Variants in PSMD1 observed in about 807,000 individuals in gnomAD.
The protein encoded by PSMD1 is proteasome 26S subunit, non-ATPase 1, also known as 26S proteasome non-ATPase regulatory subunit 1.
Under a neutral mutation model 119.0 loss-of-function variants are expected in PSMD1, and 18 were observed. The observed-to-expected ratio is 0.15, with a 90% confidence interval of 0.10 to 0.22. PSMD1 has a LOEUF of 0.22. Among genes scored for constraint, PSMD1 ranks in the 10% least tolerant of loss-of-function variants. PSMD1 has a pLI of 1.00. For missense variants in PSMD1, 702 were observed against 1,158.5 expected (o/e 0.61, Z 5.72); for synonymous variants, 374 against 396.6 (o/e 0.94, Z 0.68).
chr2:231,106,584 C>T (rs1694980323), intron 16 of PSMD1, among the ~76,000 whole-genome samples: 1 of 152,000 alleles, frequency 6.6e-6, no homozygotes, highest in Admixed American at 6.6e-5. Context: ...CGCCACTGCA[C>T]TCCAGCCTGG....
At chr2:231,158,377 A>G (rs1696558920) in intron 19 of PSMD1, among the ~76,000 whole-genome samples, 1 of 152,184 alleles carries the variant, frequency 6.6e-6, no homozygotes, top group Admixed American at 6.5e-5. Context: ...AAGGGAAGGA[A>G]TGAAGTTGAA....
intron 18 of PSMD1, 64 bp from the exon 19 acceptor site, chr2:231,153,500 C>G (rs911661760): frequency 2.7e-6 from 3 of 1,118,826 alleles, no homozygotes; most frequent in African/African-American, 3.1e-5. Flanking sequence ...ATATTATTCC[C>G]TGTTCTAAAA....
Position 231,083,574 on chromosome 2 carries a change from A to T in PSMD1, c.1533A>T (p.Ala511=), listed in dbSNP as rs1486041821. ...LYQDDAVTGE[A]AGLALGLVML... The stretch of plus-strand genomic sequence containing the variant: ...TTACTCGTTACTTGCCAGGGGAAGC[A>T]GCTGGCCTGGCCCTAGGTTTGGTTA... The change falls in exon 14 of 25, where the codon GCA becomes GCT. Residue 511 remains alanine (A), a synonymous_variant. Transcript: ENST00000308696. 1 of 1,614,112 alleles carries T rather than the reference A, an allele frequency of 6.2e-7. No homozygotes were observed. The highest frequency in any genetic ancestry group is 8.5e-7 in the Non-Finnish European group (1 of 1,180,038).
intron 16 of PSMD1, among the ~76,000 whole-genome samples, chr2:231,105,812 A>T (rs1694961001): frequency 6.6e-6 from 1 of 151,770 alleles, no homozygotes; most frequent in African/African-American, 2.4e-5. Context: ...ACTAACACTA[A>T]CTTCATGATC....
At chr2:231,078,794 T>TTC in intron 10 of PSMD1, 47 bp downstream of exon 10, 4 of 970,146 alleles carry the variant, frequency 4.1e-6, no homozygotes, top group Non-Finnish European at 5.7e-6. Flanking sequence ...TCTTTTTCTT[T>TTC]TTTTTTTTTT....
intron 16 of PSMD1, among the ~76,000 whole-genome samples, chr2:231,120,457 AC>A (rs140790287): frequency 0.01 from 1,575 of 152,318 alleles, 13 homozygotes; most frequent in Non-Finnish European, 0.016. Flanking sequence ...ACAATAAAAA[AC>A]TACAACTGTA....
intron 16 of PSMD1, among the ~76,000 whole-genome samples, chr2:231,124,471 G>C (rs770066879): frequency 4.0e-5 from 6 of 151,630 alleles, no homozygotes; most frequent in Non-Finnish European, 8.8e-5. Context: ...GCCCAACAAG[G>C]GTCTAAATAA....
intron 9 of PSMD1, among the ~76,000 whole-genome samples, chr2:231,078,248 A>G (rs995152844): frequency 6.6e-6 from 1 of 152,200 alleles, no homozygotes; most frequent in Non-Finnish European, 1.5e-5. Context: ...AGCCTGGGCA[A>G]CCAAGCAACA....
At chr2:231,113,494 G>A (rs1292466187) in intron 16 of PSMD1, among the ~76,000 whole-genome samples, 1 of 152,202 alleles carries the variant, frequency 6.6e-6, no homozygotes, top group Non-Finnish European at 1.5e-5. Context: ...AATAAACACT[G>A]TGCAGATGGT....
chr2:231,170,486 C>A lies in PSMD1; in HGVS notation c.2716-80C>A. On this transcript the variant is annotated intron_variant, in intron 23 of 24. Transcript: ENST00000308696. This position sits in a 1 kb window ranked among gnomAD's most constrained non-coding sequence, Gnocchi z 4.1. ...AATCATTTAAGTAGTTTTAAAGTAC[C>A]ATTTAACAAGTATTTACTCTAGATT... The A allele has an allele frequency of 7.3e-7, 1 of 1,361,034 alleles. No individual in the cohort carries two copies. Among genetic ancestry groups the A allele is most frequent in the Non-Finnish European group, 9.8e-7 (1 of 1,017,152 alleles). The allele number at this position is 1,361,034 out of a possible 1,614,324, so 84.3% of individuals were successfully genotyped here. A position where few individuals can be genotyped will look rare whatever the true frequency, so the allele number is the denominator to read the frequency against.
chr2:231,124,200 T>C (rs1695657883), intron 16 of PSMD1: 1 of 178,966 alleles, frequency 5.6e-6, no homozygotes. Context: ...TTGAACTTCA[T>C]AGCCCTTCCC....
At chr2:231,124,817 A>G (rs535791219) in intron 16 of PSMD1, among the ~76,000 whole-genome samples, 1 of 152,296 alleles carries the variant, frequency 6.6e-6, no homozygotes, top group Admixed American at 6.5e-5. Context: ...AAATGTACAA[A>G]TCACGTTTTT....
chr2:231,151,416 A>G (rs971989515), intron 18 of PSMD1, among the ~76,000 whole-genome samples: 1 of 152,240 alleles, frequency 6.6e-6, no homozygotes, highest in African/African-American at 2.4e-5. Flanking sequence ...ACCAAGAATT[A>G]CAATAATGAA....
chr2:231,066,996 G>T lies in PSMD1; in HGVS notation c.395G>T (p.Gly132Val), dbSNP rs1224904092. 4 of 1,613,580 alleles carry T rather than the reference G, an allele frequency of 2.5e-6. No individual in the cohort carries two copies. Among genetic ancestry groups the T allele is most frequent in the Admixed American group, 1.7e-5 (1 of 59,918 alleles). The change falls in exon 5 of 25, where the codon GGC becomes GTC. Residue 132 changes from glycine (G) to valine (V), a missense_variant. This residue lies in a region of PSMD1 where 50 missense variants were observed against 41.8 expected (regional missense o/e 1.20). Coordinates refer to ENST00000308696, the MANE Select transcript of PSMD1 (RefSeq NM_002807.4). ...AAACCAATTGACCAGAGATTGGAAG[G>T]CATCGTAAATAAAATGTTCCAGCGA... is the stretch of plus-strand genomic sequence containing the variant. ...EKKPIDQRLE[G>V]IVNKMFQRCL...
chr2:231,056,881 C>A lies in PSMD1; in HGVS notation c.-145C>A, dbSNP rs1390470609. ...GGGCGGGCGGGGTCCTGGCGAGAAG[C>A]GAGCCGGCGGCCTGAGGAGGCGACT... On this transcript the variant is annotated 5_prime_UTR_variant, in exon 1 of 25. Coordinates refer to ENST00000308696, the MANE Select transcript of PSMD1 (RefSeq NM_002807.4). The A allele has an allele frequency of 8.6e-7, 1 of 1,161,338 alleles. No homozygotes were observed. Among genetic ancestry groups the A allele is most frequent in the Non-Finnish European group, 1.2e-6 (1 of 819,328 alleles). 71.9% of individuals were successfully genotyped at this position (1,161,338 alleles called of 1,614,324 possible).
At chr2:231,151,113 A>G (rs1429596928) in intron 18 of PSMD1, among the ~76,000 whole-genome samples, 1 of 152,110 alleles carries the variant, frequency 6.6e-6, no homozygotes, top group Non-Finnish European at 1.5e-5. Context: ...TTTTTGTGAG[A>G]TTGTTGTGAT....
chr2:231,160,903 C>G (rs1287580360), intron 19 of PSMD1, among the ~76,000 whole-genome samples: 1 of 152,148 alleles, frequency 6.6e-6, no homozygotes, highest in Non-Finnish European at 1.5e-5. Flanking sequence ...TTCCCTACTG[C>G]AGCACTTACA....
At chr2:231,083,121 G>A in intron 13 of PSMD1, 127 bp downstream of exon 13, 1 of 757,042 alleles carries the variant, frequency 1.3e-6, no homozygotes, top group South Asian at 2.0e-5. Flanking sequence ...AAGAGGAAGT[G>A]AATTTTGCTC....
At chr2:231,062,430 G>T in intron 3 of PSMD1, 76 bp from the exon 4 acceptor site, 3 of 1,548,058 alleles carry the variant, frequency 1.9e-6, no homozygotes, top group Non-Finnish European at 2.6e-6. Context: ...CTGAATTGTG[G>T]CTTGAATATT....
Sources: allele counts gnomAD v4.1 joint callset (sites outside exome capture counted in the v4.1 genomes callset), GRCh38; gene constraint gnomAD v4.1.1; regional missense constraint gnomAD v4.1.1; non-coding constraint Gnocchi (gnomAD v3.1); transcripts MANE v1.5; gene names NCBI Gene and HGNC (gene_info 2026-07-23, HGNC 2026-07-21).